NEGR1: variants seen among roughly 807,000 people sequenced by gnomAD.
The protein encoded by NEGR1 is IgLON family member 4.
Under a neutral mutation model 40.9 loss-of-function variants are expected in NEGR1, and 10 were observed. The ratio of observed to expected loss-of-function variants is 0.24; its 90% confidence interval spans 0.15 to 0.42. The LOEUF (loss-of-function observed/expected upper bound fraction) is 0.42, where lower values mean the gene tolerates loss of function less well. Among genes scored for constraint, NEGR1 ranks in the 10% least tolerant of loss-of-function variants. The pLI is 1.00. For synonymous variants in NEGR1, 185 were observed against 166.8 expected, an observed-to-expected ratio of 1.11 and a Z score of -0.84; for missense variants, 352 against 438.9, an observed-to-expected ratio of 0.80 and a Z score of 1.77.
chr1:72,222,694 A>T (rs1356239344), intron 1 of NEGR1, among the ~76,000 whole-genome samples: 2 of 152,270 alleles, frequency 1.3e-5, no homozygotes, highest in Non-Finnish European at 2.9e-5. Context: ...GTATGCTGAG[A>T]TAATCCTACG....
intron 4 of NEGR1, among the ~76,000 whole-genome samples, chr1:71,674,547 T>C (rs935192256): frequency 5.9e-5 from 9 of 151,942 alleles, no homozygotes; most frequent in African/African-American, 2.2e-4. Context: ...CATAATCCTT[T>C]GGCCCAATCG....
chr1:72,201,475 T>A (rs114460537), intron 1 of NEGR1, among the ~76,000 whole-genome samples: 2,065 of 151,944 alleles, frequency 0.014, 35 homozygotes, highest in African/African-American at 0.047. Flanking sequence ...GATATTTTAA[T>A]GGCAAGTAAA....
intron 6 of NEGR1, among the ~76,000 whole-genome samples, chr1:71,550,407 C>A (rs1027930519): frequency 6.6e-6 from 1 of 151,558 alleles, no homozygotes; most frequent in African/African-American, 2.4e-5. Flanking sequence ...TTTAAAGGAT[C>A]TTTCCTAACT....
intron 1 of NEGR1, among the ~76,000 whole-genome samples, chr1:72,170,562 C>T (rs566862947): frequency 1.3e-5 from 2 of 149,892 alleles, no homozygotes; most frequent in Admixed American, 6.6e-5. Context: ...TGGGGTGATG[C>T]TAAGCCAGAA....
intron 4 of NEGR1, among the ~76,000 whole-genome samples, chr1:71,625,071 G>A (rs551977177): frequency 6.6e-6 from 1 of 152,062 alleles, no homozygotes; most frequent in Admixed American, 6.6e-5. Context: ...TTACAGAAAT[G>A]TTGCACATTT....
At chr1:72,061,254 G>A (rs1647167642) in intron 1 of NEGR1, among the ~76,000 whole-genome samples, 1 of 151,666 alleles carries the variant, frequency 6.6e-6, no homozygotes, top group Non-Finnish European at 1.5e-5. Context: ...AAAAACAAAG[G>A]AGCACAGTGA....
intron 3 of NEGR1, among the ~76,000 whole-genome samples, chr1:71,745,330 G>T (rs1172332310): frequency 1.3e-5 from 2 of 152,080 alleles, no homozygotes; most frequent in African/African-American, 4.8e-5. Flanking sequence ...ATCTTGGCTG[G>T]CTGCTCTCTG....
chr1:71,670,271 C>G (rs2101599017), intron 4 of NEGR1, among the ~76,000 whole-genome samples: 1 of 151,996 alleles, frequency 6.6e-6, no homozygotes, highest in East Asian at 1.9e-4. Context: ...TTTCCATGTT[C>G]TTATAGATTT....
At chr1:71,569,102 G>C (rs1413837317) in intron 6 of NEGR1, among the ~76,000 whole-genome samples, 1 of 151,906 alleles carries the variant, frequency 6.6e-6, no homozygotes, top group Non-Finnish European at 1.5e-5. Context: ...ATTTTTAGTA[G>C]AGACAGGGTT....
chr1:72,186,763 T>C (rs1255334456), intron 1 of NEGR1, among the ~76,000 whole-genome samples: 2 of 151,610 alleles, frequency 1.3e-5, no homozygotes, highest in Non-Finnish European at 3.0e-5. Flanking sequence ...AAAACAGGAA[T>C]GATAAATTCT....
chr1:72,092,012 AC>A (rs1648518504), intron 1 of NEGR1, among the ~76,000 whole-genome samples: 1 of 152,034 alleles, frequency 6.6e-6, no homozygotes. Context: ...AAATACAATC[AC>A]AGTGAGGGTT....
intron 1 of NEGR1, among the ~76,000 whole-genome samples, chr1:72,087,202 A>G (rs1418564660): frequency 6.6e-6 from 1 of 152,058 alleles, no homozygotes; most frequent in Non-Finnish European, 1.5e-5. Flanking sequence ...GGGAACCATG[A>G]GTTCAGGAGT....
chr1:71,568,964 A>C (rs1570044258), intron 6 of NEGR1, among the ~76,000 whole-genome samples: 1 of 149,716 alleles, frequency 6.7e-6, no homozygotes, highest in Non-Finnish European at 1.5e-5. Context: ...ATCGCCAGGC[A>C]GGAGTGCAGT....
intron 3 of NEGR1, among the ~76,000 whole-genome samples, chr1:71,762,834 T>A (rs985127465): frequency 1.3e-5 from 2 of 152,158 alleles, no homozygotes; most frequent in African/African-American, 4.8e-5. Flanking sequence ...TTGAACTCAG[T>A]ATTCTATTCT....
chr1:72,000,510 T>C (rs1646547831), intron 1 of NEGR1, among the ~76,000 whole-genome samples: 1 of 152,126 alleles, frequency 6.6e-6, no homozygotes, highest in African/African-American at 2.4e-5. Flanking sequence ...ATTTGAAAAG[T>C]GAATTATTTA....
intron 6 of NEGR1, chr1:71,489,650 T>C (rs1219280402): frequency 6.6e-6 from 1 of 151,952 alleles, no homozygotes; most frequent in Non-Finnish European, 1.5e-5. Context: ...AATCTGTTCT[T>C]CTGCTTAAAC....
In NEGR1 at chr1:72,176,788, G is replaced by A. The variant is rs560665370; in HGVS notation, c.176+105531C>T. Among the ~76,000 whole-genome samples the A allele has an allele frequency of 5.3e-5, 8 of 152,108 alleles. No individual in the cohort carries two copies. The South Asian group carries it at 6.2e-4, about 12-fold the overall frequency. On this transcript the variant is annotated intron_variant, in intron 1 of 6. Coordinates refer to ENST00000357731, the MANE Select transcript of NEGR1 (RefSeq NM_173808.3). Reference sequence around the variant, plus strand: ...AAATCATGGGAAGCCTCTATGCCTCGATAAGGTATATATGCCAGGGGAGAT... The same window carrying A: ...AAATCATGGGAAGCCTCTATGCCTCAATAAGGTATATATGCCAGGGGAGAT...
intron 1 of NEGR1, among the ~76,000 whole-genome samples, chr1:72,000,791 T>C (rs907437967): frequency 6.6e-6 from 1 of 152,184 alleles, no homozygotes; most frequent in Non-Finnish European, 1.5e-5. Flanking sequence ...TCACTGTCAT[T>C]TATTTTATAT....
At chr1:72,027,023 T>C (rs1557490295) in intron 1 of NEGR1, among the ~76,000 whole-genome samples, 1 of 152,090 alleles carries the variant, frequency 6.6e-6, no homozygotes, top group Non-Finnish European at 1.5e-5. Flanking sequence ...CCTGCCAGAT[T>C]CATGCCATTC....
Sources: gnomAD v4.1 joint callset for allele counts (sites outside exome capture counted in the v4.1 genomes callset) on GRCh38, gnomAD v4.1.1 for gene constraint, MANE v1.5 for transcripts, NCBI Gene and HGNC (gene_info 2026-07-23, HGNC 2026-07-21) for gene names.